Variants in SOX5 observed in about 807,000 individuals in gnomAD.
SOX5 encodes transcription factor SOX-5.
A neutral mutation model predicts 92.0 loss-of-function variants in SOX5; 9 were observed. The ratio of observed to expected loss-of-function variants is 0.10; its 90% CI spans 0.06 to 0.17. The LOEUF is 0.17. SOX5 is among the 10% of genes least tolerant of loss of function. The pLI is 1.00. For synonymous variants in SOX5, 344 were observed against 336.3 expected (o/e 1.02, Z -0.25); for missense variants, 642 against 944.5 (o/e 0.68, Z 4.20).
At chr12:23,929,518 A>C (rs1055832571) in intron 1 of SOX5, among the ~76,000 whole-genome samples, 1 of 151,912 alleles carries the variant, frequency 6.6e-6, no homozygotes, top group Non-Finnish European at 1.5e-5. Context: ...TTTGACAATA[A>C]GTGTCCAATA....
intron 1 of SOX5, among the ~76,000 whole-genome samples, chr12:23,906,185 A>T (rs977292593): frequency 2.6e-5 from 4 of 152,214 alleles, no homozygotes; most frequent in Non-Finnish European, 5.9e-5. Flanking sequence ...CGCAAACTGA[A>T]AAATATGTTT....
chr12:24,553,565 G>T (rs1471969836), intron 1 of SOX5, among the ~76,000 whole-genome samples: 2 of 152,216 alleles, frequency 1.3e-5, no homozygotes, highest in African/African-American at 4.8e-5. Context: ...ACAATTCAAT[G>T]CCCTCAGGGA....
At chr12:24,350,265 C>T (rs1167364984) in intron 2 of SOX5, among the ~76,000 whole-genome samples, 2 of 152,204 alleles carry the variant, frequency 1.3e-5, no homozygotes, top group African/African-American at 4.8e-5. Context: ...CAGAGATCTG[C>T]TCCCTCTTTC....
intron 3 of SOX5, among the ~76,000 whole-genome samples, chr12:23,759,442 A>G (rs1223790688): frequency 1.3e-5 from 2 of 152,038 alleles, no homozygotes; most frequent in Admixed American, 6.6e-5. Flanking sequence ...AGGGGATCAT[A>G]AGACATCATT....
chr12:23,561,531 A>G (rs1366266741), intron 11 of SOX5, among the ~76,000 whole-genome samples: 1 of 152,196 alleles, frequency 6.6e-6, no homozygotes, highest in East Asian at 1.9e-4. Context: ...ACAAGCCGTC[A>G]GCGCAATTAT....
chr12:24,282,364 A>C (rs1018189668), intron 2 of SOX5, among the ~76,000 whole-genome samples: 5 of 151,388 alleles, frequency 3.3e-5, no homozygotes, highest in Non-Finnish European at 5.9e-5. Context: ...TAATAAAAAT[A>C]AATCAATAAA....
intron 3 of SOX5, among the ~76,000 whole-genome samples, chr12:24,254,689 T>C (rs1039049734): frequency 2.1e-5 from 3 of 143,108 alleles, no homozygotes. Context: ...TTGGGGACTG[T>C]CCATATTCTT....
At chr12:24,435,665 C>A (rs1408097526) in intron 1 of SOX5, among the ~76,000 whole-genome samples, 1 of 152,152 alleles carries the variant, frequency 6.6e-6, no homozygotes, top group Non-Finnish European at 1.5e-5. Context: ...AACAACTTGA[C>A]AAGTGAATGA....
chr12:23,739,149 G>C, intron 5 of SOX5, among the ~76,000 whole-genome samples: 1 of 152,242 alleles, frequency 6.6e-6, no homozygotes, highest in Middle Eastern at 3.4e-3. Context: ...GTAGACACAC[G>C]AATATTAAAT....
At chr12:24,044,243 G>A (rs1217347006) in intron 4 of SOX5, among the ~76,000 whole-genome samples, 3 of 152,110 alleles carry the variant, frequency 2.0e-5, no homozygotes, top group Non-Finnish European at 4.4e-5. Context: ...ACACAAAGAT[G>A]AAGGACATAA....
chr12:24,289,453 CTTT>C lies in SOX5; in HGVS notation c.-173-12144_-173-12142del, dbSNP rs71063303. ...AGGACGGTCTTAAGGACATTTGTATCTTTTTTTTTTTTTTTTTTGAGACGGAGT... is the reference window on the plus strand; with the variant it reads ...AGGACGGTCTTAAGGACATTTGTATCTTTTTTTTTTTTTTTGAGACGGAGT... On this transcript the variant is annotated intron_variant, in intron 2 of 4. Transcript: ENST00000446891. Among the ~76,000 whole-genome samples, 55 of 98,478 alleles carry C rather than the reference CTTT, an allele frequency of 5.6e-4. 2 individuals are homozygous for C. The highest frequency in any genetic ancestry group is 8.2e-4 in the Admixed American group (8 of 9,702). 64.6% of individuals were successfully genotyped at this position (98,478 alleles called of 152,430 possible).
In SOX5 at chr12:23,584,590, G is replaced by A. The variant is rs369564308; in HGVS notation, c.1165-8752C>T. 3.7e-6 allele frequency: 6 copies of A among 1,609,434 alleles called. No individual in the cohort carries two copies. In the African/African-American group the frequency reaches 8.0e-5, roughly 22 times the overall value. ...TGGCACAAATCTCCAACAGTCTGGTGAACCCACTATAACTGACTGTTTAAT... is the reference window on the plus strand; with the variant it reads ...TGGCACAAATCTCCAACAGTCTGGTAAACCCACTATAACTGACTGTTTAAT... On this transcript the variant is annotated intron_variant, in intron 9 of 14. Coordinates refer to ENST00000451604, the MANE Select transcript of SOX5 (RefSeq NM_006940.6).
chr12:24,219,597 A>G (rs1164181474), intron 3 of SOX5, among the ~76,000 whole-genome samples: 2 of 152,074 alleles, frequency 1.3e-5, no homozygotes, highest in South Asian at 2.1e-4. Flanking sequence ...CATTTATCCA[A>G]TTTCATGATC....
rs1394597445 is a variant in SOX5 at position 24,307,448 on chromosome 12, GGAAAGGAAGGAA to G, written c.-173-30148_-173-30137del. ...CTTTCTCATTTAGTACTGTATAGCT[GGAAAGGAAGGAA>G]GGAAGGAAGGAAGGAAGGAAGGAAG... is the stretch of plus-strand genomic sequence containing the variant. On this transcript the variant is annotated intron_variant, in intron 2 of 4. Coordinates refer to the SOX5 transcript ENST00000446891. 2.6e-4 allele frequency among the ~76,000 whole-genome samples: 37 copies of G among 140,150 alleles called. No individual in the cohort carries two copies. The South Asian group carries it at 6.5e-3, about 25-fold the overall frequency. The allele number at this position is 140,150 out of a possible 152,430, so 91.9% of individuals were successfully genotyped here. A position where few individuals can be genotyped will look rare whatever the true frequency, so the allele number is the denominator to read the frequency against.
chr12:23,715,871 T>A (rs2092460648), intron 6 of SOX5, among the ~76,000 whole-genome samples: 1 of 147,288 alleles, frequency 6.8e-6, no homozygotes, highest in Non-Finnish European at 1.5e-5. Flanking sequence ...CAGTTAACAA[T>A]TAAACAACCT....
At chr12:24,100,700 C>A (rs1945987768) in intron 4 of SOX5, among the ~76,000 whole-genome samples, 1 of 152,132 alleles carries the variant, frequency 6.6e-6, no homozygotes, top group South Asian at 2.1e-4. Flanking sequence ...TACTTGACAT[C>A]TTGGCTTTGA....
chr12:23,982,180 T>C (rs751427813), intron 4 of SOX5, among the ~76,000 whole-genome samples: 6 of 152,374 alleles, frequency 3.9e-5, no homozygotes, highest in East Asian at 1.9e-4. Flanking sequence ...CTTGAATGTG[T>C]ATAACCATAA....
chr12:24,551,736 T>G (rs1473078719), intron 1 of SOX5, among the ~76,000 whole-genome samples: 1 of 152,208 alleles, frequency 6.6e-6, no homozygotes, highest in Non-Finnish European at 1.5e-5. Flanking sequence ...AAAGGCACTT[T>G]CCTGTAAGGA....
In SOX5 at chr12:23,530,503, A is replaced by G. The variant is rs1003716528; in HGVS notation, c.*3716T>C. On this transcript the variant is annotated 3_prime_UTR_variant, in exon 15 of 15. Transcript: ENST00000451604. ...AGAGGATTTGGTTCTAACGATGATTATGTTCTTTGGGAGGGATTTTATACA... is the reference window on the plus strand; with the variant it reads ...AGAGGATTTGGTTCTAACGATGATTGTGTTCTTTGGGAGGGATTTTATACA... 17 of 148,438 alleles carry G rather than the reference A, an allele frequency of 1.1e-4. No individual in the cohort carries two copies. Among genetic ancestry groups the G allele is most frequent in the African/African-American group, 4.3e-4 (17 of 39,862 alleles). 9.2% of individuals were successfully genotyped at this position (148,438 alleles called of 1,614,324 possible).
Sources: allele counts gnomAD v4.1 joint callset (sites outside exome capture counted in the v4.1 genomes callset), GRCh38; gene constraint gnomAD v4.1.1; transcripts MANE v1.5; gene names NCBI Gene and HGNC (gene_info 2026-07-23, HGNC 2026-07-21).